Variants in MAF observed in about 807,000 individuals in gnomAD.
MAF encodes MAF bZIP transcription factor, also known as transcription factor Maf.
Under a neutral mutation model 22.0 loss-of-function variants are expected in MAF, and 10 were observed. The observed-to-expected ratio is 0.45, with a 90% confidence interval of 0.28 to 0.77. The LOEUF (loss-of-function observed/expected upper bound fraction) is 0.77, where lower values mean the gene tolerates loss of function less well. Ranked by LOEUF, MAF falls within the 30% of genes least tolerant of loss-of-function variation. The pLI is 0.12. For synonymous variants in MAF, 337 were observed against 255.8 expected, an observed-to-expected ratio of 1.32 and a Z score of -3.03; for missense variants, 544 against 548.4, an observed-to-expected ratio of 0.99 and a Z score of 0.08.
the MAF span, among the ~76,000 whole-genome samples, chr16:79,320,577 C>T: frequency 2.6e-5 from 4 of 152,156 alleles, no homozygotes; most frequent in Admixed American, 6.5e-5. Context: ...CGTTGTCTCT[C>T]GAGAAGGAGC....
chr16:79,291,872 G>A, the MAF span, among the ~76,000 whole-genome samples: 1 of 150,186 alleles, frequency 6.7e-6, no homozygotes, highest in Non-Finnish European at 1.5e-5. Context: ...CCTGGTGAAG[G>A]CTCACCTTGC....
At chr16:79,271,282 G>T in the MAF span, among the ~76,000 whole-genome samples, 1 of 148,770 alleles carries the variant, frequency 6.7e-6, no homozygotes, top group African/African-American at 2.5e-5. Flanking sequence ...TTTACAGATA[G>T]GAGAGTACAC....
the MAF span, among the ~76,000 whole-genome samples, chr16:79,235,396 T>C: frequency 6.6e-6 from 1 of 150,972 alleles, no homozygotes; most frequent in African/African-American, 2.4e-5. Context: ...CTAGAAAAAA[T>C]AAAAAATAAA....
the MAF span, among the ~76,000 whole-genome samples, chr16:79,530,398 T>G: frequency 6.6e-6 from 1 of 152,158 alleles, no homozygotes. Flanking sequence ...CCTGATAGAC[T>G]GAAGGAAAGA....
chr16:79,490,056 T>A, the MAF span, among the ~76,000 whole-genome samples: 2 of 152,154 alleles, frequency 1.3e-5, no homozygotes, highest in Non-Finnish European at 2.9e-5. Flanking sequence ...CGGGTGTGTC[T>A]AAGTGTCTAC....
the MAF span, among the ~76,000 whole-genome samples, chr16:79,345,587 G>C: frequency 1.3e-5 from 2 of 151,804 alleles, no homozygotes; most frequent in East Asian, 3.9e-4. Flanking sequence ...AATTAGCCAG[G>C]CATGGTGGTG....
At chr16:79,480,487 A>G in the MAF span, among the ~76,000 whole-genome samples, 2 of 152,302 alleles carry the variant, frequency 1.3e-5, no homozygotes, top group African/African-American at 4.8e-5. Context: ...CACAGCTCAG[A>G]AGTGTGGAAA....
the MAF span, among the ~76,000 whole-genome samples, chr16:79,337,124 G>A: frequency 1.3e-5 from 2 of 152,286 alleles, no homozygotes; most frequent in African/African-American, 4.8e-5. Context: ...TCGCCGCACA[G>A]CACTGGAAAT....
chr16:79,314,268 T>C, the MAF span, among the ~76,000 whole-genome samples: 1 of 152,186 alleles, frequency 6.6e-6, no homozygotes, highest in Admixed American at 6.5e-5. Flanking sequence ...GCAGCACATT[T>C]GAGGTGACCT....
the MAF span, among the ~76,000 whole-genome samples, chr16:79,312,498 T>C: frequency 1.3e-5 from 2 of 152,372 alleles, no homozygotes; most frequent in South Asian, 2.1e-4. Context: ...TTGGCTTCTC[T>C]GTGATAGCAC....
the MAF span, among the ~76,000 whole-genome samples, chr16:79,547,489 G>C: frequency 1.4e-3 from 213 of 151,890 alleles, no homozygotes; most frequent in Middle Eastern, 6.8e-3. Flanking sequence ...CACACACACA[G>C]CCAACCCCTG....
At chr16:79,325,878 A>G in the MAF span, among the ~76,000 whole-genome samples, 1 of 152,216 alleles carries the variant, frequency 6.6e-6, no homozygotes, top group African/African-American at 2.4e-5. Context: ...CAGTCTAGGC[A>G]AATGGATTCA....
chr16:79,527,786 T>G, the MAF span, among the ~76,000 whole-genome samples: 1 of 152,138 alleles, frequency 6.6e-6, no homozygotes, highest in Non-Finnish European at 1.5e-5. Context: ...GAAAGTTCTT[T>G]TCATAAGATG....
the MAF span, among the ~76,000 whole-genome samples, chr16:79,540,149 G>C: frequency 6.6e-6 from 1 of 151,972 alleles, no homozygotes; most frequent in South Asian, 2.1e-4. Flanking sequence ...CAGCCACCGA[G>C]GCAGGTGGAG....
At chr16:79,397,715 G>C in the MAF span, among the ~76,000 whole-genome samples, 1 of 152,076 alleles carries the variant, frequency 6.6e-6, no homozygotes, top group Non-Finnish European at 1.5e-5. Context: ...ATAGCTGTGG[G>C]CACTGATAAA....
chr16:79,353,234 G>C, the MAF span, among the ~76,000 whole-genome samples: 1 of 151,622 alleles, frequency 6.6e-6, no homozygotes, highest in Non-Finnish European at 1.5e-5. Flanking sequence ...CAATTCTCTT[G>C]CCTCAGCCTC....
the MAF span, among the ~76,000 whole-genome samples, chr16:79,254,572 A>G: frequency 7.9e-5 from 12 of 152,362 alleles, no homozygotes; most frequent in Non-Finnish European, 1.2e-4. Context: ...TCTTAGAGAT[A>G]GTTATATATT....
the MAF span, among the ~76,000 whole-genome samples, chr16:79,353,031 A>G: frequency 6.6e-6 from 1 of 152,180 alleles, no homozygotes; most frequent in Non-Finnish European, 1.5e-5. Context: ...GGAGAGAGAC[A>G]CAGTGATAGA....
At chr16:79,350,407 G>A in the MAF span, among the ~76,000 whole-genome samples, 11 of 152,286 alleles carry the variant, frequency 7.2e-5, no homozygotes, top group South Asian at 1.7e-3. Context: ...GTGGACAAAC[G>A]AAATTCTATA....
Sources: gnomAD v4.1 joint callset for allele counts (sites outside exome capture counted in the v4.1 genomes callset) on GRCh38, gnomAD v4.1.1 for gene constraint, MANE v1.5 for transcripts, NCBI Gene and HGNC (gene_info 2026-07-23, HGNC 2026-07-21) for gene names.